The following RIC1 variants were observed in gnomAD, a reference collection of about 807,000 sequenced individuals.
RIC1 encodes RIC1 partner of RAB6A GEF complex.
In RIC1, 88 loss-of-function variants were observed where a neutral mutation model predicts 169.0. The ratio of observed to expected loss-of-function variants is 0.52; its 90% confidence interval spans 0.44 to 0.62. The LOEUF is 0.62. Ranked by LOEUF, RIC1 falls within the 20% of genes least tolerant of loss-of-function variation. The probability of loss-of-function intolerance (pLI) is 0.00; values close to 1 mark genes in which losing one functional copy is unlikely to be tolerated. For missense variants in RIC1, 1,877 were observed against 1,725.5 expected (o/e 1.09, Z -1.56); for synonymous variants, 790 against 601.5 (o/e 1.31, Z -4.59).
chr9:5,681,185 A>G (rs1820812333), intron 2 of RIC1, among the ~76,000 whole-genome samples: 1 of 151,222 alleles, frequency 6.6e-6, no homozygotes, highest in Non-Finnish European at 1.5e-5. Context: ...GATCTTAGTT[A>G]TTTCTTACCT....
chr9:5,742,120 A>G (rs1056709050), intron 8 of RIC1, among the ~76,000 whole-genome samples: 1 of 152,150 alleles, frequency 6.6e-6, no homozygotes, highest in African/African-American at 2.4e-5. Context: ...TTCCTTGCTA[A>G]TTCTTTTCCT....
At chr9:5,674,434 A>T (rs912813386) in intron 2 of RIC1, among the ~76,000 whole-genome samples, 2 of 152,190 alleles carry the variant, frequency 1.3e-5, no homozygotes, top group Non-Finnish European at 2.9e-5. Context: ...TATGACTAAT[A>T]TTATATTTAT....
chr9:5,726,302 A>G (rs1472677000), intron 6 of RIC1, among the ~76,000 whole-genome samples: 1 of 152,190 alleles, frequency 6.6e-6, no homozygotes, highest in African/African-American at 2.4e-5. Context: ...CTTTAGCATT[A>G]TGCAATGGCC....
intron 1 of RIC1, among the ~76,000 whole-genome samples, chr9:5,635,554 G>C (rs1486511547): frequency 6.6e-6 from 1 of 152,058 alleles, no homozygotes; most frequent in Non-Finnish European, 1.5e-5. Context: ...CTCTTTTTAT[G>C]TCAGTACCAT....
At chr9:5,732,031 T>G (rs2130924005) in intron 6 of RIC1, among the ~76,000 whole-genome samples, 1 of 152,330 alleles carries the variant, frequency 6.6e-6, no homozygotes, top group African/African-American at 2.4e-5. Context: ...ATAATTACAG[T>G]GAGCAAGTTA....
At position 5,763,451 on chromosome 9, in the gene RIC1, A is replaced by T; in HGVS notation, c.2424A>T (p.Arg808Ser). 6.2e-7 allele frequency: 1 copy of T among 1,614,220 alleles called. No individual in the cohort carries two copies. The highest frequency in any genetic ancestry group is 8.5e-7 in the Non-Finnish European group (1 of 1,180,032). ...YDSLYTRNNA[R>S]EQLEVLFPFC... ...CTTTATATACTCGGAACAATGCTAG[A>T]GAACAGCTGGAGGTGCTCTTCCCTT... The change falls in exon 19 of 26, where the codon AGA becomes AGT. Residue 808 changes from arginine (R) to serine (S), a missense_variant. By Grantham distance (110) the Arg-to-Ser change is moderately radical (BLOSUM62 -1). This residue lies in a region of RIC1 where 1,104 missense variants were observed against 992.0 expected (regional missense o/e 1.11). Transcript: ENST00000414202. The surrounding 1 kb of genome is among the most constrained non-coding windows in gnomAD (Gnocchi z 5.2).
intron 3 of RIC1, among the ~76,000 whole-genome samples, chr9:5,693,229 C>G (rs1821691466): frequency 6.6e-6 from 1 of 152,110 alleles, no homozygotes; most frequent in Non-Finnish European, 1.5e-5. Context: ...TCTCGTTTCT[C>G]TTCTGTAAAT....
chr9:5,632,815 T>C (rs1817780985), intron 1 of RIC1, among the ~76,000 whole-genome samples: 2 of 152,206 alleles, frequency 1.3e-5, no homozygotes, highest in East Asian at 1.9e-4. Context: ...TCCTTTAATA[T>C]ACTAACTGTG....
intron 1 of RIC1, among the ~76,000 whole-genome samples, chr9:5,638,677 G>T (rs995334385): frequency 2.6e-5 from 4 of 152,228 alleles, no homozygotes; most frequent in Middle Eastern, 3.4e-3. Context: ...GGTATCAATT[G>T]TAATATCTCC....
chr9:5,659,865 A>G (rs1819344592), intron 2 of RIC1, among the ~76,000 whole-genome samples: 1 of 152,142 alleles, frequency 6.6e-6, no homozygotes, highest in South Asian at 2.1e-4. Context: ...ACTTCAGGGT[A>G]CATGTGTAGG....
intron 2 of RIC1, among the ~76,000 whole-genome samples, chr9:5,658,596 A>G (rs1563875521): frequency 6.6e-6 from 1 of 152,120 alleles, no homozygotes; most frequent in African/African-American, 2.4e-5. Flanking sequence ...ATTCAGTACA[A>G]CCCGAAGTAG....
At chr9:5,723,459 C>T (rs548678339) in intron 6 of RIC1, among the ~76,000 whole-genome samples, 2 of 152,212 alleles carry the variant, frequency 1.3e-5, no homozygotes, top group Admixed American at 6.5e-5. Context: ...TGGATATTAG[C>T]CCTTTGTCAG....
intron 11 of RIC1, among the ~76,000 whole-genome samples, chr9:5,746,858 G>C (rs752067081): frequency 6.6e-6 from 1 of 152,130 alleles, no homozygotes; most frequent in Non-Finnish European, 1.5e-5. Context: ...AAAATAGCCT[G>C]AATTTCAGAT....
intron 16 of RIC1, 38 bp from the exon 17 acceptor site, chr9:5,757,275 T>G: frequency 6.2e-7 from 1 of 1,607,734 alleles, no homozygotes; most frequent in Non-Finnish European, 8.5e-7. Context: ...CTTATTAGCA[T>G]TGTTGTTGAG....
chr9:5,700,611 A>T (rs1822154943), intron 3 of RIC1, among the ~76,000 whole-genome samples: 4 of 151,648 alleles, frequency 2.6e-5, no homozygotes, highest in South Asian at 4.1e-4. Context: ...ATAATAAATT[A>T]TATATTTTGT....
Position 5,770,182 on chromosome 9 carries a change from C to T in RIC1, c.3520C>T (p.Leu1174Phe). ...ISNIQRSQSW[L>F]SNIGPTHHEI... The stretch of plus-strand genomic sequence containing the variant: ...CAACATCCAGCGAAGTCAGAGCTGG[C>T]TCAGCAACATTGGCCCCACCCATCA... Residue 1174 changes from leucine (L) to phenylalanine (F), a missense_variant, in exon 23 of 26, where the codon CTC becomes TTC. Leu to Phe is a conservative substitution (Grantham distance 22, BLOSUM62 0). Coordinates refer to ENST00000414202, the MANE Select transcript of RIC1 (RefSeq NM_020829.4). The T allele has an allele frequency of 2.5e-6, 4 of 1,613,978 alleles. No homozygotes were observed. The highest frequency in any genetic ancestry group is 3.4e-6 in the Non-Finnish European group (4 of 1,179,904).
intron 12 of RIC1, among the ~76,000 whole-genome samples, chr9:5,750,367 A>G (rs771194897): frequency 1.3e-5 from 2 of 151,910 alleles, no homozygotes; most frequent in Non-Finnish European, 2.9e-5. Flanking sequence ...AGAAAGAATA[A>G]GCTTCACAAA....
chr9:5,730,915 T>C (rs1014417593), intron 6 of RIC1, among the ~76,000 whole-genome samples: 3 of 152,114 alleles, frequency 2.0e-5, no homozygotes, highest in African/African-American at 7.2e-5. Context: ...ACCCATCCAC[T>C]TCACTCTATC....
rs368444036 is a variant in RIC1, at chr9:5,770,135, T to C, written c.3473T>C (p.Leu1158Pro). ...CAATCAGCTGACCCATTTTTGAACCTTGAGATGGATGCTGGCATCTCCAAC... is the reference window on the plus strand; with the variant it reads ...CAATCAGCTGACCCATTTTTGAACCCTGAGATGGATGCTGGCATCTCCAAC... ...KSQSADPFLNLEMDAGISNIQ... is the reference protein window; with the variant it reads ...KSQSADPFLNPEMDAGISNIQ... Residue 1158 changes from leucine (L) to proline (P), a missense_variant, in exon 23 of 26, where the codon CTT (leucine) becomes CCT (proline). Around this residue, in one of 3 missense-constraint regions of RIC1, gnomAD observed 681 missense variants for 582.0 expected, o/e 1.17. Coordinates refer to ENST00000414202, the MANE Select transcript of RIC1 (RefSeq NM_020829.4). 9.3e-6 allele frequency: 15 copies of C among 1,613,594 alleles called. No homozygotes were observed. The African/African-American group carries it at 1.6e-4, about 17-fold the overall frequency.
Sources: gnomAD v4.1 joint callset for allele counts (sites outside exome capture counted in the v4.1 genomes callset) on GRCh38, gnomAD v4.1.1 for gene constraint, gnomAD v4.1.1 regional missense constraint, Gnocchi (gnomAD v3.1) non-coding constraint, MANE v1.5 for transcripts, NCBI Gene and HGNC (gene_info 2026-07-23, HGNC 2026-07-21) for gene names.